Variants in PSME3IP1 observed in about 807,000 individuals in gnomAD.
PSME3IP1 encodes the protein PSME3-interacting protein.
A neutral mutation model predicts 34.1 loss-of-function variants in PSME3IP1; 13 were observed. The observed-to-expected ratio is 0.38, with a 90% CI of 0.25 to 0.61. The LOEUF is 0.61. Ranked by LOEUF, PSME3IP1 falls within the 20% of genes least tolerant of loss-of-function variation. The probability of loss-of-function intolerance (pLI) is 0.60; values close to 1 mark genes in which losing one functional copy is unlikely to be tolerated. For synonymous variants in PSME3IP1, 93 were observed against 114.3 expected (o/e 0.81, Z 1.19); for missense variants, 237 against 301.4 (o/e 0.79, Z 1.58).
chr16:57,174,433 C>T, intron 1 of PSME3IP1: 1 of 985,278 alleles, frequency 1.0e-6, no homozygotes, highest in Non-Finnish European at 1.2e-6. Context: ...TGGGATAATT[C>T]TTATTACCTG....
intron 6 of PSME3IP1, among the ~76,000 whole-genome samples, chr16:57,158,664 T>C (rs974451364): frequency 6.6e-6 from 1 of 152,242 alleles, no homozygotes; most frequent in Admixed American, 6.5e-5. Context: ...CTAATTTATG[T>C]GAAATTGTTG....
Position 57,154,465 on chromosome 16 carries a change from C to T in PSME3IP1, c.590G>A (p.Gly197Asp), listed in dbSNP as rs762305303. ...CKSLGNTSLSGPSIHCPSAAV... is the reference protein window; with the variant it reads ...CKSLGNTSLSDPSIHCPSAAV... ...AGCAGAGGGGCAGTGGATGGAGGGG[C>T]CACTCAGGGAGGTGTTTCCGAGAGA... The change falls in exon 7 of 7, where the codon GGC becomes GAC. Residue 197 changes from glycine to aspartate, a missense_variant. Gly to Asp is a moderately conservative substitution (Grantham distance 94). Transcript: ENST00000309137. The surrounding 1 kb of genome is among the most constrained non-coding windows in gnomAD (Gnocchi z 4.0). 2 of 1,613,218 alleles carry T rather than the reference C, an allele frequency of 1.2e-6. No homozygotes were observed. Among genetic ancestry groups the T allele is most frequent in the African/African-American group, 2.7e-5 (2 of 74,844 alleles).
chr16:57,167,397 AT>A (rs2072017378), intron 4 of PSME3IP1, 171 bp from the exon 5 acceptor site: 1 of 779,984 alleles, frequency 1.3e-6, no homozygotes, highest in Admixed American at 2.4e-5. Flanking sequence ...GAAAGAGACC[AT>A]GGAGGAAGAC....
chr16:57,175,132 C>T (rs566858512), intron 1 of PSME3IP1, among the ~76,000 whole-genome samples: 9 of 151,918 alleles, frequency 5.9e-5, no homozygotes, highest in Admixed American at 3.9e-4. Context: ...CTCCTGCCTC[C>T]GCCTCCTGAC....
Position 57,154,605 on chromosome 16 carries a change from C to A in PSME3IP1, c.548-98G>T. On this transcript the variant is annotated intron_variant, in intron 6 of 6. Coordinates refer to ENST00000309137, the MANE Select transcript of PSME3IP1 (RefSeq NM_024946.4). The surrounding 1 kb of genome is among the most constrained non-coding windows in gnomAD (Gnocchi z 4.0). ...GGCACTGTACCAAGGGATTTTCCCA[C>A]AGAGGAGCCTTAGAACAATGCTATG... is the stretch of plus-strand genomic sequence containing the variant. The A allele has an allele frequency of 9.7e-7, 1 of 1,027,224 alleles. No homozygotes were observed. Among genetic ancestry groups the A allele is most frequent in the Non-Finnish European group, 1.4e-6 (1 of 714,090 alleles). The allele number at this position is 1,027,224 out of a possible 1,614,324, so 63.6% of individuals were successfully genotyped here.
At chr16:57,183,169 T>C (rs1186648830) in intron 1 of PSME3IP1, among the ~76,000 whole-genome samples, 1 of 152,166 alleles carries the variant, frequency 6.6e-6, no homozygotes, top group Non-Finnish European at 1.5e-5. Flanking sequence ...TGAAAAGTGG[T>C]GGAAATTTTA....
At chr16:57,168,109 T>A (rs1033094972) in intron 4 of PSME3IP1, among the ~76,000 whole-genome samples, 1 of 152,152 alleles carries the variant, frequency 6.6e-6, no homozygotes, top group African/African-American at 2.4e-5. Flanking sequence ...TCTTGAAACG[T>A]CTTAGACAAC....
chr16:57,157,313 CAAAA>C (rs751911757), intron 6 of PSME3IP1, among the ~76,000 whole-genome samples: 4 of 76,848 alleles, frequency 5.2e-5, no homozygotes, highest in Admixed American at 1.5e-4. Flanking sequence ...AACCTATCTC[CAAAA>C]AAAAAAAAAA....
intron 5 of PSME3IP1, among the ~76,000 whole-genome samples, chr16:57,164,742 T>G (rs955437167): frequency 3.9e-5 from 6 of 152,116 alleles, no homozygotes; most frequent in African/African-American, 1.4e-4. Flanking sequence ...TTAAGACTTA[T>G]GTGGGAGGCC....
At chr16:57,172,472 T>TAAAAAAA in intron 3 of PSME3IP1, 100 bp from the exon 4 acceptor site, 1 of 1,147,288 alleles carries the variant, frequency 8.7e-7, no homozygotes, top group Non-Finnish European at 1.2e-6. Flanking sequence ...TTCAGGGGAT[T>TAAAAAAA]AAAAAAAAAA....
intron 1 of PSME3IP1, among the ~76,000 whole-genome samples, chr16:57,176,291 C>G (rs1425931621): frequency 1.3e-5 from 2 of 152,184 alleles, no homozygotes; most frequent in African/African-American, 4.8e-5. Context: ...TGTCTCCTTT[C>G]TCATCCTGTA....
chr16:57,184,760 A>T (rs1463793715), intron 1 of PSME3IP1, among the ~76,000 whole-genome samples: 1 of 152,270 alleles, frequency 6.6e-6, no homozygotes, highest in Non-Finnish European at 1.5e-5. Context: ...GTTTTGACAC[A>T]ATTATTCCTT....
intron 6 of PSME3IP1, among the ~76,000 whole-genome samples, chr16:57,158,139 T>C (rs1392648436): frequency 6.6e-6 from 1 of 152,104 alleles, no homozygotes; most frequent in Non-Finnish European, 1.5e-5. Flanking sequence ...AATGGCTAAT[T>C]TGGGGGGAAG....
At chr16:57,179,932 A>G (rs1158021981) in intron 1 of PSME3IP1, among the ~76,000 whole-genome samples, 1 of 152,226 alleles carries the variant, frequency 6.6e-6, no homozygotes, top group Non-Finnish European at 1.5e-5. Context: ...ATAAAGACTT[A>G]TTTCTGGCCA....
chr16:57,185,316 C>G (rs1236061924), intron 1 of PSME3IP1, among the ~76,000 whole-genome samples: 1 of 152,198 alleles, frequency 6.6e-6, no homozygotes, highest in Non-Finnish European at 1.5e-5. Flanking sequence ...CTCTTTGTTT[C>G]TTAAGTTTTC....
intron 1 of PSME3IP1, among the ~76,000 whole-genome samples, chr16:57,177,348 A>ATTT (rs567704160): frequency 7.8e-6 from 1 of 128,776 alleles, no homozygotes; most frequent in African/African-American, 2.9e-5. Context: ...CACCTGGCTA[A>ATTT]TTTTTTTTTT....
At chr16:57,178,486 G>C (rs946708681) in intron 1 of PSME3IP1, 1 of 864,218 alleles carries the variant, frequency 1.2e-6, no homozygotes, top group South Asian at 5.3e-5. Context: ...CATATATTAG[G>C]TATTCAAATA....
At chr16:57,162,225 T>C (rs2071339739) in intron 6 of PSME3IP1, among the ~76,000 whole-genome samples, 1 of 152,214 alleles carries the variant, frequency 6.6e-6, no homozygotes, top group Non-Finnish European at 1.5e-5. Context: ...ATAATGGTAC[T>C]GTAATTGTTA....
intron 4 of PSME3IP1, 140 bp from the exon 5 acceptor site, chr16:57,167,366 C>A (rs1733266764): frequency 1.0e-6 from 1 of 961,514 alleles, no homozygotes; most frequent in Non-Finnish European, 1.6e-6. Context: ...CCAGTCAAAT[C>A]CAGCCAATTC....
Sources: allele counts gnomAD v4.1 joint callset (sites outside exome capture counted in the v4.1 genomes callset), GRCh38; gene constraint gnomAD v4.1.1; non-coding constraint Gnocchi (gnomAD v3.1); transcripts MANE v1.5; gene names NCBI Gene and HGNC (gene_info 2026-07-23, HGNC 2026-07-21).